GBE1: variants seen among roughly 807,000 people sequenced by gnomAD.
GBE1 encodes 1,4-alpha-glucan-branching enzyme.
A neutral mutation model predicts 88.8 loss-of-function variants in GBE1; 70 were observed. The ratio of observed to expected loss-of-function variants is 0.79; its 90% CI spans 0.65 to 0.96. GBE1 has a LOEUF of 0.96. Ranked by LOEUF, GBE1 falls within the 40% of genes least tolerant of loss-of-function variation. The pLI is 0.00. For missense variants in GBE1, 872 were observed against 871.0 expected (o/e 1.00, Z -0.01); for synonymous variants, 284 against 300.1 (o/e 0.95, Z 0.56).
intron 14 of GBE1, among the ~76,000 whole-genome samples, chr3:81,499,782 A>G (rs1363866978): frequency 2.6e-5 from 4 of 152,220 alleles, no homozygotes; most frequent in African/African-American, 9.6e-5. Flanking sequence ...TCTGTACTGA[A>G]CATCTGATTT....
At chr3:81,710,230 A>ATATTTTTT (rs375326721) in intron 1 of GBE1, among the ~76,000 whole-genome samples, 2 of 74,736 alleles carry the variant, frequency 2.7e-5, no homozygotes, top group Non-Finnish European at 4.9e-5. Context: ...AAGGTAATTA[A>ATATTTTTT]TCTTTTTTTT....
intron 1 of GBE1, among the ~76,000 whole-genome samples, chr3:81,750,658 T>TATATATATATATAC (rs1491583586): frequency 7.0e-5 from 4 of 56,974 alleles, no homozygotes; most frequent in Non-Finnish European, 1.1e-4. Context: ...TATATATATA[T>TATATATATATATAC]GTATATATAT....
At chr3:81,576,685 T>C (rs956269431) in intron 12 of GBE1, among the ~76,000 whole-genome samples, 5 of 152,106 alleles carry the variant, frequency 3.3e-5, no homozygotes, top group African/African-American at 9.7e-5. Context: ...TCCAGGGAAC[T>C]TGACCTGATA....
At chr3:81,585,016 A>C (rs1703783325) in intron 10 of GBE1, among the ~76,000 whole-genome samples, 1 of 152,156 alleles carries the variant, frequency 6.6e-6, no homozygotes, top group African/African-American at 2.4e-5. Flanking sequence ...AAAATTGAAA[A>C]CTACAGCATT....
intron 7 of GBE1, chr3:81,612,220 T>A (rs1253361560): frequency 4.4e-4 from 107 of 241,568 alleles, no homozygotes; most frequent in East Asian, 8.9e-4. Context: ...CACGCTCCTT[T>A]AAAAAAAAAA....
intron 7 of GBE1, among the ~76,000 whole-genome samples, chr3:81,597,360 G>A (rs921290260): frequency 1.3e-5 from 2 of 150,812 alleles, no homozygotes; most frequent in African/African-American, 4.9e-5. Flanking sequence ...ACCACTTACT[G>A]TCCAGAAGCC....
At chr3:81,667,670 T>A (rs1705132080) in intron 3 of GBE1, among the ~76,000 whole-genome samples, 1 of 152,364 alleles carries the variant, frequency 6.6e-6, no homozygotes, top group African/African-American at 2.4e-5. Flanking sequence ...TGTTGAATTT[T>A]ATCAAAAGTC....
At chr3:81,505,465 G>A (rs1433171630) in intron 14 of GBE1, among the ~76,000 whole-genome samples, 1 of 152,156 alleles carries the variant, frequency 6.6e-6, no homozygotes, top group Non-Finnish European at 1.5e-5. Flanking sequence ...CCCTTTTTAT[G>A]TTACATGGAT....
At position 81,624,354 on chromosome 3, in the gene GBE1, T is replaced by C. The variant is rs565826448; in HGVS notation, c.992+18427A>G. 4.6e-5 allele frequency among the ~76,000 whole-genome samples: 7 copies of C among 152,218 alleles called. No homozygotes were observed. The East Asian group carries it at 9.7e-4, about 21-fold the overall frequency. On this transcript the variant is annotated intron_variant, in intron 7 of 15. Coordinates refer to ENST00000429644, the MANE Select transcript of GBE1 (RefSeq NM_000158.4). ...GATTACATTCAAGATGAGATCTGGG[T>C]GAGGACACAAAGCCTAACCATACCA...
intron 7 of GBE1, among the ~76,000 whole-genome samples, chr3:81,640,910 A>G (rs1209097579): frequency 6.6e-6 from 1 of 152,060 alleles, no homozygotes; most frequent in African/African-American, 2.4e-5. Context: ...CATGAGAAAG[A>G]TTAATAGTTA....
intron 10 of GBE1, 105 bp downstream of exon 10, chr3:81,585,987 C>G (rs1188793177): frequency 1.6e-6 from 1 of 635,864 alleles, no homozygotes; most frequent in East Asian, 3.2e-5. Context: ...TTTAATACTT[C>G]AATTATAATA....
intron 3 of GBE1, among the ~76,000 whole-genome samples, chr3:81,651,459 T>A (rs1277358689): frequency 6.6e-6 from 1 of 152,222 alleles, no homozygotes; most frequent in African/African-American, 2.4e-5. Flanking sequence ...TCCTTCATTA[T>A]GCCTCCCACC....
intron 14 of GBE1, among the ~76,000 whole-genome samples, chr3:81,500,703 T>C (rs1189821230): frequency 6.6e-6 from 1 of 152,214 alleles, no homozygotes; most frequent in African/African-American, 2.4e-5. Context: ...ACTGAGTAAG[T>C]AGTTATGTTA....
intron 14 of GBE1, among the ~76,000 whole-genome samples, chr3:81,503,562 G>A (rs182991342): frequency 2.0e-4 from 31 of 152,272 alleles, no homozygotes; most frequent in Non-Finnish European, 2.2e-4. Context: ...TGTGGGAAAG[G>A]AGAGACATAG....
At chr3:81,732,148 T>A (rs926486025) in intron 1 of GBE1, among the ~76,000 whole-genome samples, 1 of 152,152 alleles carries the variant, frequency 6.6e-6, no homozygotes, top group Non-Finnish European at 1.5e-5. Flanking sequence ...TAAAATATAG[T>A]TGTTAAATCA....
In GBE1 at chr3:81,750,609, A is replaced by ATATATGTATATG; in HGVS notation, c.143+10765_143+10766insCATATACATATA. On this transcript the variant is annotated intron_variant, in intron 1 of 15. Coordinates refer to ENST00000429644, the MANE Select transcript of GBE1 (RefSeq NM_000158.4). ...TATACGTATATATATATGTGTATAT[A>ATATATGTATATG]TATATATGTATATATATATACGTAT... 2.7e-5 allele frequency among the ~76,000 whole-genome samples: 2 copies of ATATATGTATATG among 73,722 alleles called. 1 individual carries two copies. The highest frequency in any genetic ancestry group is 1.6e-4 in the African/African-American group (2 of 12,472). 48.4% of individuals were successfully genotyped at this position (73,722 alleles called of 152,430 possible).
At chr3:81,615,955 A>T (rs942727435) in intron 7 of GBE1, among the ~76,000 whole-genome samples, 25 of 152,168 alleles carry the variant, frequency 1.6e-4, no homozygotes, top group African/African-American at 5.1e-4. Context: ...TTTTAATTTT[A>T]GCAGTCTGAT....
chr3:81,724,164 A>G (rs1706076651), intron 1 of GBE1, among the ~76,000 whole-genome samples: 1 of 152,218 alleles, frequency 6.6e-6, no homozygotes, highest in African/African-American at 2.4e-5. Context: ...TGGTTCAGTG[A>G]ACATGGCTAT....
chr3:81,759,052 T>G (rs536611023), intron 1 of GBE1, among the ~76,000 whole-genome samples: 4 of 152,350 alleles, frequency 2.6e-5, no homozygotes, highest in African/African-American at 9.6e-5. Context: ...ATGTGAGACA[T>G]GACTTTCACC....
Sources: gnomAD v4.1 joint callset for allele counts (sites outside exome capture counted in the v4.1 genomes callset) on GRCh38, gnomAD v4.1.1 for gene constraint, MANE v1.5 for transcripts, NCBI Gene and HGNC (gene_info 2026-07-23, HGNC 2026-07-21) for gene names.